The following MCPH1 variants were observed in gnomAD, a reference collection of about 807,000 sequenced individuals.
MCPH1 encodes the protein microcephalin 1.
A neutral mutation model predicts 84.5 loss-of-function variants in MCPH1; 104 were observed. That is an observed-to-expected ratio of 1.23 (90% CI 1.05 to 1.45). The LOEUF (loss-of-function observed/expected upper bound fraction) is 1.45, where lower values mean the gene tolerates loss of function less well. MCPH1 is among the 40% of genes most tolerant of loss of function. MCPH1 has a pLI of 0.00. For missense variants in MCPH1, 1,498 were observed against 1,005.7 expected, an observed-to-expected ratio of 1.49 and a Z score of -6.62; for synonymous variants, 514 against 366.8, an observed-to-expected ratio of 1.40 and a Z score of -4.58.
At chr8:6,448,977 AAAAAT>A (rs1287078674) in intron 8 of MCPH1, among the ~76,000 whole-genome samples, 3 of 152,190 alleles carry the variant, frequency 2.0e-5, no homozygotes, top group Non-Finnish European at 2.9e-5. Context: ...TATTAATGAG[AAAAAT>A]AAAATAATTT....
chr8:6,480,414 C>T (rs1251746937), intron 10 of MCPH1, among the ~76,000 whole-genome samples: 2 of 151,894 alleles, frequency 1.3e-5, no homozygotes, highest in African/African-American at 2.4e-5. Context: ...CCACCGCGCC[C>T]AGCCAGGGGC....
intron 12 of MCPH1, among the ~76,000 whole-genome samples, chr8:6,513,025 C>A (rs1425246128): frequency 1.3e-5 from 2 of 152,208 alleles, no homozygotes; most frequent in African/African-American, 2.4e-5. Flanking sequence ...CACAAGTATC[C>A]ATCATTTATG....
chr8:6,455,166 C>CA lies in MCPH1; in HGVS notation c.1850dup (p.His617GlnfsTer2). The CA allele has an allele frequency of 6.2e-7, 1 of 1,613,918 alleles. No homozygotes were observed. Among genetic ancestry groups the CA allele is most frequent in the Non-Finnish European group, 8.5e-7 (1 of 1,179,850 alleles). On this transcript the variant is annotated frameshift_variant, in exon 9 of 14. Coordinates refer to ENST00000344683, the MANE Select transcript of MCPH1 (RefSeq NM_024596.5). LOFTEE classifies it high-confidence loss of function. ...AGGTGTTAAAAATAGACCAACAAGG[C>CA]ATGATGTTTTAGATGACTCATGTGA...
intron 7 of MCPH1, 52 bp from the exon 8 acceptor site, chr8:6,444,341 T>A: frequency 6.2e-7 from 1 of 1,607,876 alleles, no homozygotes; most frequent in Non-Finnish European, 8.5e-7. Flanking sequence ...AAGTTGAATA[T>A]AGAATAATTT....
At chr8:6,638,611 A>C (rs1337351868) in intron 13 of MCPH1, among the ~76,000 whole-genome samples, 1 of 151,646 alleles carries the variant, frequency 6.6e-6, no homozygotes, top group Non-Finnish European at 1.5e-5. Flanking sequence ...TTTTTAATTT[A>C]AATTTCACGG....
chr8:6,477,869 G>T (rs559610706), intron 10 of MCPH1, among the ~76,000 whole-genome samples: 1 of 152,344 alleles, frequency 6.6e-6, no homozygotes, highest in South Asian at 2.1e-4. Flanking sequence ...TCGTTTTGGT[G>T]TTCTTTTGCT....
intron 12 of MCPH1, among the ~76,000 whole-genome samples, chr8:6,590,121 A>G (rs1828321767): frequency 6.6e-6 from 1 of 152,112 alleles, no homozygotes; most frequent in Non-Finnish European, 1.5e-5. Context: ...AAGAATGATT[A>G]GGTAAAGCAC....
intron 11 of MCPH1, among the ~76,000 whole-genome samples, chr8:6,499,224 G>A (rs958527449): frequency 3.6e-4 from 55 of 151,986 alleles, no homozygotes; most frequent in Admixed American, 2.5e-3. Context: ...AAATATTACT[G>A]AATTAAAAAG....
At chr8:6,491,961 G>C (rs192531408) in intron 11 of MCPH1, among the ~76,000 whole-genome samples, 82 of 152,290 alleles carry the variant, frequency 5.4e-4, no homozygotes, top group African/African-American at 1.9e-3. Context: ...CTTTATAGCA[G>C]CATGATTTAT....
chr8:6,629,835 A>G (rs1797022456), intron 13 of MCPH1, among the ~76,000 whole-genome samples: 2 of 152,116 alleles, frequency 1.3e-5, no homozygotes. Flanking sequence ...AAGACCCAGA[A>G]CCCCAGTCCT....
intron 3 of MCPH1, among the ~76,000 whole-genome samples, chr8:6,424,239 C>A (rs1184335818): frequency 1.3e-5 from 2 of 152,120 alleles, no homozygotes; most frequent in Non-Finnish European, 2.9e-5. Context: ...TCAGCTTGGC[C>A]CCCACTCTAA....
chr8:6,542,587 C>G (rs1390705355), intron 12 of MCPH1, among the ~76,000 whole-genome samples: 1 of 146,226 alleles, frequency 6.8e-6, no homozygotes, highest in Non-Finnish European at 1.5e-5. Flanking sequence ...ACTGATATGC[C>G]TATTCTTATC....
intron 5 of MCPH1, among the ~76,000 whole-genome samples, chr8:6,436,969 CA>C (rs1055833673): frequency 8.9e-5 from 13 of 145,952 alleles, no homozygotes; most frequent in East Asian, 2.0e-4. Flanking sequence ...GACTCCAACT[CA>C]AAAAAAAAAG....
chr8:6,548,187 G>A (rs191224997), intron 12 of MCPH1, among the ~76,000 whole-genome samples: 78 of 152,160 alleles, frequency 5.1e-4, no homozygotes, highest in African/African-American at 1.8e-3. Flanking sequence ...GGCTTGAGGC[G>A]GCACGCTTTG....
chr8:6,475,155 A>T (rs567301474), intron 9 of MCPH1, among the ~76,000 whole-genome samples: 3 of 152,336 alleles, frequency 2.0e-5, no homozygotes, highest in South Asian at 4.1e-4. Context: ...CATGATGGTT[A>T]TCCCAGGATG....
intron 2 of MCPH1, among the ~76,000 whole-genome samples, chr8:6,411,067 G>A (rs1421269189): frequency 6.6e-6 from 1 of 152,126 alleles, no homozygotes; most frequent in Non-Finnish European, 1.5e-5. Flanking sequence ...TCCAGCCTGG[G>A]CGACGGAGTA....
chr8:6,525,025 G>T (rs201852671), intron 12 of MCPH1, among the ~76,000 whole-genome samples: 3 of 152,194 alleles, frequency 2.0e-5, no homozygotes, highest in Non-Finnish European at 4.4e-5. Context: ...TAAAATGAAG[G>T]CATTCGATTT....
intron 7 of MCPH1, among the ~76,000 whole-genome samples, chr8:6,442,640 A>AGT (rs1803686466): frequency 6.6e-6 from 1 of 152,236 alleles, no homozygotes; most frequent in Non-Finnish European, 1.5e-5. Flanking sequence ...CATGTTACGC[A>AGT]CATACATGTT....
At chr8:6,621,740 C>T (rs41306051) in intron 13 of MCPH1, 49 bp downstream of exon 13, 1 of 1,612,840 alleles carries the variant, frequency 6.2e-7, no homozygotes, top group Non-Finnish European at 8.5e-7. Flanking sequence ...GATCTGTGGA[C>T]AGGTTTCCAG....
Sources: gnomAD v4.1 joint callset for allele counts (sites outside exome capture counted in the v4.1 genomes callset) on GRCh38, gnomAD v4.1.1 for gene constraint, MANE v1.5 for transcripts, NCBI Gene and HGNC (gene_info 2026-07-23, HGNC 2026-07-21) for gene names.